Variants in SDF4 observed in about 807,000 individuals in gnomAD.
SDF4 encodes the protein 45 kDa calcium-binding protein.
In SDF4, 22 loss-of-function variants were observed where a neutral mutation model predicts 34.2. The observed-to-expected ratio is 0.64, with a 90% confidence interval of 0.46 to 0.92. The LOEUF (loss-of-function observed/expected upper bound fraction) is 0.92. SDF4 is among the 40% of genes least tolerant of loss of function. SDF4 has a pLI of 0.00. For missense variants in SDF4, 447 were observed against 499.9 expected (o/e 0.89, Z 1.01); for synonymous variants, 236 against 203.1 (o/e 1.16, Z -1.38).
chr1:1,227,943 G>A (rs1461416737), intron 2 of SDF4, among the ~76,000 whole-genome samples: 1 of 152,132 alleles, frequency 6.6e-6, no homozygotes, highest in East Asian at 1.9e-4. Flanking sequence ...AGCAAAACAA[G>A]CCAACCCCAC....
chr1:1,223,786 G>GCCCCCCCCCCCCCCCCC, intron 3 of SDF4, 46 bp downstream of exon 3: 2 of 585,242 alleles, frequency 3.4e-6, no homozygotes, highest in Non-Finnish European at 2.9e-6. Context: ...CCATGGCCCT[G>GCCCCCCCCCCCCCCCCC]CCCGCCCCGC....
intron 4 of SDF4, chr1:1,219,832 C>CTG: frequency 1.0e-6 from 1 of 985,900 alleles, no homozygotes; most frequent in African/African-American, 1.7e-5. Context: ...CGACTCTGCC[C>CTG]TGGCCGAAGC....
chr1:1,223,206 G>A (rs1650078215), intron 4 of SDF4, 38 bp downstream of exon 4: 1 of 1,394,330 alleles, frequency 7.2e-7, no homozygotes, highest in East Asian at 2.3e-5. Context: ...CACACAGGAT[G>A]CCTGAGACCG....
chr1:1,220,127 C>T, intron 4 of SDF4: 1 of 987,090 alleles, frequency 1.0e-6, no homozygotes, highest in Non-Finnish European at 1.2e-6. Context: ...ATTCTCACAG[C>T]CGCCGCCGAG....
chr1:1,220,303 G>T, intron 4 of SDF4: 3 of 1,091,292 alleles, frequency 2.7e-6, no homozygotes, highest in Non-Finnish European at 3.4e-6. Flanking sequence ...GAGAGGCAGC[G>T]ATGGAGGCGG....
At chr1:1,229,158 G>A (rs77668548) in intron 1 of SDF4, among the ~76,000 whole-genome samples, 134 of 151,926 alleles carry the variant, frequency 8.8e-4, no homozygotes, top group Non-Finnish European at 1.0e-3. Flanking sequence ...TGGACCACAC[G>A]TGGCATTTGT....
chr1:1,223,741 C>G (rs1650116818), intron 3 of SDF4, 91 bp downstream of exon 3: 21 of 1,221,954 alleles, frequency 1.7e-5, no homozygotes, highest in Non-Finnish European at 2.4e-5. Context: ...GTCCCTCAGA[C>G]AGGGCCTGTC....
chr1:1,220,563 G>T, intron 4 of SDF4: 1 of 1,268,582 alleles, frequency 7.9e-7, no homozygotes, highest in Admixed American at 2.4e-5. Context: ...CCCTGAGGTC[G>T]GGGAGGCCAA....
chr1:1,227,197 C>T lies in SDF4; in HGVS notation c.305+1271G>A, dbSNP rs146553918. ...AGACCAGTCCTCACACCTTTCCTAC[C>T]TGCTCCTGCACCCCAGGACCCCAGC... On this transcript the variant is annotated intron_variant, in intron 2 of 6. Transcript: ENST00000360001. 6.9e-3 allele frequency: 1,061 copies of T among 153,980 alleles called. 8 individuals are homozygous for T. The highest frequency in any genetic ancestry group is 9.0e-3 in the Non-Finnish European group (623 of 69,274). The allele number at this position is 153,980 out of a possible 1,614,324, so 9.5% of individuals were successfully genotyped here.
chr1:1,231,059 AAAAAAC>A (rs1638476246), intron 1 of SDF4, among the ~76,000 whole-genome samples: 2 of 152,228 alleles, frequency 1.3e-5, no homozygotes, highest in Non-Finnish European at 2.9e-5. Flanking sequence ...GCGTCTCTTT[AAAAAAC>A]AAAAACAAAA....
chr1:1,217,569 C>A lies in SDF4; in HGVS notation c.1011G>T (p.Glu337Asp). ...LEPEEVLKYS[E>D]FFTGSKLVDY... Reference sequence around the variant, plus strand: ...CCACCAGCTTGCTGCCCGTGAAGAACTCGCTGTACTTGAGCACCTCCTCGG... The same window carrying A: ...CCACCAGCTTGCTGCCCGTGAAGAAATCGCTGTACTTGAGCACCTCCTCGG... The change falls in exon 7 of 7, where the codon GAG becomes GAT. Residue 337 changes from glutamate (E) to aspartate (D), a missense_variant. Transcript: ENST00000360001. This position sits in a 1 kb window ranked among gnomAD's most constrained non-coding sequence, Gnocchi z 8.5. The A allele has an allele frequency of 1.9e-6, 3 of 1,613,502 alleles. No individual in the cohort carries two copies. The highest frequency in any genetic ancestry group is 2.5e-6 in the Non-Finnish European group (3 of 1,179,894).
intron 4 of SDF4, among the ~76,000 whole-genome samples, chr1:1,223,007 A>G (rs565357955): frequency 6.6e-6 from 1 of 151,390 alleles, no homozygotes; most frequent in Admixed American, 6.6e-5. Flanking sequence ...CGTACACACG[A>G]CACGCATACA....
chr1:1,223,844 G>A lies in SDF4; in HGVS notation c.430C>T (p.Pro144Ser). The change falls in exon 3 of 7, where the codon CCT becomes TCT. Residue 144 changes from proline (P) to serine (S), a missense_variant. Physicochemically the swap from Pro to Ser is moderately conservative, Grantham distance 74. Transcript: ENST00000360001. Reference protein sequence around the residue: ...ESKTHFRAVDPDGDGHVSWDE... With the variant: ...ESKTHFRAVDSDGDGHVSWDE... ...CCAGCCACAGTACCGTCCCCGTCAG[G>A]GTCCACGGCGCGGAAGTGTGTCTTG... 4 of 1,488,274 alleles carry A rather than the reference G, an allele frequency of 2.7e-6. No individual in the cohort carries two copies. The highest frequency in any genetic ancestry group is 3.6e-6 in the Non-Finnish European group (4 of 1,109,178). 92.2% of individuals were successfully genotyped at this position (1,488,274 alleles called of 1,614,324 possible). A position where few individuals can be genotyped will look rare whatever the true frequency, so the allele number is the denominator to read the frequency against.
intron 4 of SDF4, 191 bp downstream of exon 4, chr1:1,223,049 TACAC>T (rs759623604): frequency 3.4e-6 from 2 of 582,684 alleles, no homozygotes; most frequent in East Asian, 5.9e-5. Context: ...ACAGCACACG[TACAC>T]ACAACATGCA....
intron 2 of SDF4, among the ~76,000 whole-genome samples, chr1:1,227,590 T>C (rs1198734700): frequency 1.3e-5 from 2 of 152,160 alleles, no homozygotes; most frequent in Non-Finnish European, 2.9e-5. Flanking sequence ...CCCGGCACCC[T>C]GGCTGGCCTG....
intron 3 of SDF4, among the ~76,000 whole-genome samples, chr1:1,223,580 GAA>G (rs1650105969): frequency 6.6e-6 from 1 of 152,242 alleles, no homozygotes; most frequent in Non-Finnish European, 1.5e-5. Context: ...ACCACCAGAT[GAA>G]GGCCCCGAAG....
chr1:1,226,530 G>A (rs150656440), intron 2 of SDF4, among the ~76,000 whole-genome samples: 157 of 152,334 alleles, frequency 1.0e-3, no homozygotes, highest in African/African-American at 3.6e-3. Flanking sequence ...TTCCAGCCCA[G>A]AGGAGACAGA....
intron 4 of SDF4, chr1:1,220,772 C>G: frequency 7.8e-7 from 1 of 1,288,676 alleles, no homozygotes; most frequent in Non-Finnish European, 1.0e-6. Context: ...CAAGGAAAGA[C>G]AGACACAATC....
chr1:1,220,430 G>A, intron 4 of SDF4: 1 of 1,181,548 alleles, frequency 8.5e-7, no homozygotes. Context: ...GCCATGCAGG[G>A]AGGGGTGGGA....
Sources: allele counts gnomAD v4.1 joint callset (sites outside exome capture counted in the v4.1 genomes callset), GRCh38; gene constraint gnomAD v4.1.1; non-coding constraint Gnocchi (gnomAD v3.1); transcripts MANE v1.5; gene names NCBI Gene and HGNC (gene_info 2026-07-23, HGNC 2026-07-21).